CATSPERG: variants seen among roughly 807,000 people sequenced by gnomAD.
CATSPERG encodes cation channel sperm-associated auxiliary subunit gamma.
A neutral mutation model predicts 145.0 loss-of-function variants in CATSPERG; 115 were observed. That is an observed-to-expected ratio of 0.79 (90% CI 0.68 to 0.93). The LOEUF (loss-of-function observed/expected upper bound fraction) is 0.93, where lower values mean the gene tolerates loss of function less well. Among genes scored for constraint, CATSPERG ranks in the 40% least tolerant of loss-of-function variants. The probability of loss-of-function intolerance (pLI) is 0.00; values close to 1 mark genes in which losing one functional copy is unlikely to be tolerated. For synonymous variants in CATSPERG, 588 were observed against 589.0 expected (o/e 1.00, Z 0.02); for missense variants, 1,296 against 1,490.1 (o/e 0.87, Z 2.14).
chr19:38,368,710 T>C (rs1296651061), intron 26 of CATSPERG, among the ~76,000 whole-genome samples: 2 of 152,242 alleles, frequency 1.3e-5, no homozygotes, highest in East Asian at 3.8e-4. Flanking sequence ...CCCACCAGGC[T>C]GGAGTGCAGT....
At chr19:38,346,640 C>T (rs1488827833) in intron 7 of CATSPERG, 35 bp downstream of exon 7, 2 of 1,527,318 alleles carry the variant, frequency 1.3e-6, no homozygotes, top group East Asian at 2.5e-5. Flanking sequence ...GGCGGGGCGT[C>T]TTGGAGGGAG....
Position 38,346,590 on chromosome 19 carries a change from C to T in CATSPERG, c.810C>T (p.Asp270=), listed in dbSNP as rs1970045925. Residue 270 remains aspartate (D), a synonymous_variant, in exon 7 of 29, where the codon GAC becomes GAT. Coordinates refer to ENST00000409235, the MANE Select transcript of CATSPERG (RefSeq NM_021185.5). ...TGATGACTGACACCAGCTTCAAGGA[C>T]TTCTCTCTCGTGGAGGTGAACGGTG... ...YVLMTDTSFK[D]FSLVELSIDS... 1 of 1,551,258 alleles carries T rather than the reference C, an allele frequency of 6.4e-7. No homozygotes were observed. The highest frequency in any genetic ancestry group is 8.7e-7 in the Non-Finnish European group (1 of 1,146,628).
intron 26 of CATSPERG, chr19:38,369,624 A>G: frequency 3.0e-6 from 1 of 330,878 alleles, no homozygotes; most frequent in Non-Finnish European, 5.9e-6. Flanking sequence ...CTTTGTACCT[A>G]GTAAGTGCTC....
intron 6 of CATSPERG, among the ~76,000 whole-genome samples, chr19:38,346,137 G>A (rs4804034): frequency 0.97 from 148,163 of 152,290 alleles, 72,094 homozygotes; most frequent in East Asian, 1. Context: ...CCTCATTGAG[G>A]AGGTTAAGCT....
rs1021926579 is a variant in CATSPERG at position 38,351,303 on chromosome 19, T to C, written c.826-958T>C. On this transcript the variant is annotated intron_variant, in intron 7 of 28. Coordinates refer to ENST00000409235, the MANE Select transcript of CATSPERG (RefSeq NM_021185.5). Reference sequence around the variant, plus strand: ...AGCAAGACTCCCGTCTACACAGTTATTTATTTATTTTAATTAGCTGGGAGG... The same window carrying C: ...AGCAAGACTCCCGTCTACACAGTTACTTATTTATTTTAATTAGCTGGGAGG... 2.6e-4 allele frequency among the ~76,000 whole-genome samples: 39 copies of C among 151,544 alleles called. 1 individual carries two copies. The highest frequency in any genetic ancestry group is 7.7e-4 in the African/African-American group (32 of 41,336).
intron 7 of CATSPERG, among the ~76,000 whole-genome samples, chr19:38,350,146 A>C (rs1458315344): frequency 6.6e-6 from 1 of 152,128 alleles, no homozygotes; most frequent in East Asian, 1.9e-4. Context: ...CTGACATTCC[A>C]CTAGTGAGAA....
chr19:38,337,120 C>T, intron 1 of CATSPERG, 101 bp from the exon 2 acceptor site: 1 of 1,402,080 alleles, frequency 7.1e-7, no homozygotes, highest in South Asian at 1.4e-5. Flanking sequence ...GGGGCGTGGC[C>T]AGGAGCAAGT....
chr19:38,346,079 G>A (rs1003706671), intron 6 of CATSPERG, among the ~76,000 whole-genome samples: 2 of 152,200 alleles, frequency 1.3e-5, no homozygotes, highest in African/African-American at 4.8e-5. Flanking sequence ...CGGGAGTTGG[G>A]TCTGTGCAGA....
rs780585045 is a variant in CATSPERG at position 38,361,617 on chromosome 19, C to T, written c.1881-31C>T. 12 of 1,574,324 alleles carry T rather than the reference C, an allele frequency of 7.6e-6. No homozygotes were observed. The East Asian group carries it at 2.7e-4, about 35-fold the overall frequency. Reference sequence around the variant, plus strand: ...TTCCAGTGCGCGGGGTGCCTTAGAGCCAGCAGCCTTTCCCCCTTGCCACTG... The same window carrying T: ...TTCCAGTGCGCGGGGTGCCTTAGAGTCAGCAGCCTTTCCCCCTTGCCACTG... On this transcript the variant is annotated intron_variant, in intron 16 of 28. Coordinates refer to ENST00000409235, the MANE Select transcript of CATSPERG (RefSeq NM_021185.5).
At chr19:38,351,275 T>C (rs1055472731) in intron 7 of CATSPERG, among the ~76,000 whole-genome samples, 3 of 149,796 alleles carry the variant, frequency 2.0e-5, no homozygotes, top group Admixed American at 6.7e-5. Flanking sequence ...ACCAGGGCAA[T>C]GTAGCAAGAC....
chr19:38,344,899 ATATTTTTTTTTTTT>A (rs1269860975), intron 6 of CATSPERG, among the ~76,000 whole-genome samples: 1 of 93,098 alleles, frequency 1.1e-5, no homozygotes, highest in Non-Finnish European at 2.1e-5. Flanking sequence ...ATATATATAT[ATATTTTTTTTTTTT>A]TTTTTTTTTT....
chr19:38,363,999 G>C (rs1270307376), intron 20 of CATSPERG, among the ~76,000 whole-genome samples: 1 of 152,208 alleles, frequency 6.6e-6, no homozygotes, highest in Admixed American at 6.5e-5. Flanking sequence ...CAGACGGGGT[G>C]GTGGCCGGGC....
rs139433308 is a variant in CATSPERG at position 38,340,134 on chromosome 19, G to A, written c.324+2488G>A. On this transcript the variant is annotated intron_variant, in intron 3 of 28. Transcript: ENST00000409235. ...CTCCCAAAGTGCTGGGACTACAGGC[G>A]TGAGCCACCATGCCTGGCCTGTTGA... 4.7e-3 allele frequency among the ~76,000 whole-genome samples: 718 copies of A among 152,032 alleles called. 4 individuals are homozygous for A. The highest frequency in any genetic ancestry group is 0.017 in the African/African-American group (694 of 41,454).
intron 3 of CATSPERG, among the ~76,000 whole-genome samples, chr19:38,341,217 G>A (rs1193249194): frequency 2.0e-5 from 3 of 152,304 alleles, no homozygotes; most frequent in Middle Eastern, 3.4e-3. Flanking sequence ...GCCTGAGAGG[G>A]CCCTATGCAG....
At chr19:38,367,643 C>T (rs767613318) in intron 24 of CATSPERG, 38 bp from the exon 25 acceptor site, 17 of 1,612,224 alleles carry the variant, frequency 1.1e-5, no homozygotes, top group Non-Finnish European at 1.4e-5. Flanking sequence ...GGACTCGAGA[C>T]CCGGAGGCCA....
chr19:38,361,505 G>C, intron 16 of CATSPERG, 143 bp from the exon 17 acceptor site: 1 of 679,182 alleles, frequency 1.5e-6, no homozygotes, highest in South Asian at 1.8e-5. Flanking sequence ...AGAGGCCTCT[G>C]GGCAGCAGGG....
rs750906220 is a variant in CATSPERG, at chr19:38,356,556, C to A, written c.1195+13C>A. 4 of 1,612,988 alleles carry A rather than the reference C, an allele frequency of 2.5e-6. No individual in the cohort carries two copies. The highest frequency in any genetic ancestry group is 2.7e-5 in the African/African-American group (2 of 74,856). On this transcript the variant is annotated intron_variant, in intron 10 of 28. Coordinates refer to ENST00000409235, the MANE Select transcript of CATSPERG (RefSeq NM_021185.5). ...GAGCAGATAGGAGGTACTCATTACC[C>A]CGATGGGTCTGCGGTGGGAGGCTGG...
chr19:38,370,250 A>T lies in CATSPERG; in HGVS notation c.3205A>T (p.Ile1069Phe), dbSNP rs200301547. ...LPLSPKRALFIIMVSASVFVG... is the reference protein window; with the variant it reads ...LPLSPKRALFFIMVSASVFVG... ...ACTCAGTCCCAAGCGGGCCCTTTTC[A>T]TCATCATGGTGAGTGGCTGTCCGGG... The change falls in exon 28 of 29, where the codon ATC becomes TTC. Residue 1069 changes from isoleucine to phenylalanine, a missense_variant. Ile to Phe is a conservative substitution (Grantham distance 21, BLOSUM62 0). Coordinates refer to ENST00000409235, the MANE Select transcript of CATSPERG (RefSeq NM_021185.5). 6.2e-7 allele frequency: 1 copy of T among 1,613,152 alleles called. No homozygotes were observed. Among genetic ancestry groups the T allele is most frequent in the Non-Finnish European group, 8.5e-7 (1 of 1,179,946 alleles).
At position 38,359,469 on chromosome 19, in the gene CATSPERG, G is replaced by A. The variant is rs771262695; in HGVS notation, c.1497-1G>A. On this transcript the variant is annotated splice_acceptor_variant, in intron 13 of 28. Coordinates refer to ENST00000409235, the MANE Select transcript of CATSPERG (RefSeq NM_021185.5). LOFTEE classifies it high-confidence loss of function. Reference sequence around the variant, plus strand: ...CTAGCTCTCCATCTCTGTCCCTGCAGCTCTAACAAGGAAAACTTCATCTAC... The same window carrying A: ...CTAGCTCTCCATCTCTGTCCCTGCAACTCTAACAAGGAAAACTTCATCTAC... The A allele has an allele frequency of 1.3e-5, 21 of 1,607,078 alleles. 1 individual carries two copies. The South Asian group carries it at 2.2e-4, about 17-fold the overall frequency.
Sources: allele counts gnomAD v4.1 joint callset (sites outside exome capture counted in the v4.1 genomes callset), GRCh38; gene constraint gnomAD v4.1.1; transcripts MANE v1.5; gene names NCBI Gene and HGNC (gene_info 2026-07-23, HGNC 2026-07-21).